JMJD7: variants seen among roughly 807,000 people sequenced by gnomAD.
The protein encoded by JMJD7 is jumonji domain containing 7.
A neutral mutation model predicts 41.1 loss-of-function variants in JMJD7; 41 were observed. The ratio of observed to expected loss-of-function variants is 1.00; its 90% CI spans 0.78 to 1.30. The LOEUF (loss-of-function observed/expected upper bound fraction) is 1.30, where lower values mean the gene tolerates loss of function less well. Among genes scored for constraint, JMJD7 ranks in the 50% most tolerant of loss-of-function variants. JMJD7 has a pLI of 0.00. For synonymous variants in JMJD7, 202 were observed against 177.2 expected (o/e 1.14, Z -1.11); for missense variants, 480 against 420.7 (o/e 1.14, Z -1.23).
At position 41,834,839 on chromosome 15, in the gene JMJD7, G is replaced by A. The variant is rs771513435; in HGVS notation, c.164G>A (p.Arg55His). The change falls in exon 2 of 8, where the codon CGC (arginine) becomes CAC (histidine). Residue 55 changes from arginine to histidine, a missense_variant. Arg to His is a conservative substitution (Grantham distance 29, BLOSUM62 0). Coordinates refer to ENST00000397299, the MANE Select transcript of JMJD7 (RefSeq NM_001114632.2). Reference sequence around the variant, plus strand: ...TGCCCCAACAGGCCGTGCATTATCCGCAACGCTCTGCAGCACTGGCCGGCC... The same window carrying A: ...TGCCCCAACAGGCCGTGCATTATCCACAACGCTCTGCAGCACTGGCCGGCC... The part of the protein sequence containing the change: ...WVCPNRPCII[R>H]NALQHWPALQ... 3.7e-6 allele frequency: 6 copies of A among 1,614,168 alleles called. No homozygotes were observed. Among genetic ancestry groups the A allele is most frequent in the East Asian group, 2.2e-5 (1 of 44,884 alleles).
At position 41,829,876 on chromosome 15, in the gene JMJD7, G is replaced by C. The variant is rs142185797; in HGVS notation, c.64+1688G>C. Among the ~76,000 whole-genome samples, 267 of 152,314 alleles carry C rather than the reference G, an allele frequency of 1.8e-3. 1 individual carries two copies. Among genetic ancestry groups the C allele is most frequent in the African/African-American group, 6.1e-3 (252 of 41,568 alleles). On this transcript the variant is annotated intron_variant, in intron 1 of 7. Transcript: ENST00000397299. Reference sequence around the variant, plus strand: ...TTGAGGCCAGGAGTTCAAGACCAGCGTGGGCAACATAGTGAGACACCATCG... The same window carrying C: ...TTGAGGCCAGGAGTTCAAGACCAGCCTGGGCAACATAGTGAGACACCATCG...
In JMJD7 at chr15:41,828,191, G is replaced by T; in HGVS notation, c.64+3G>T. 6.6e-7 allele frequency: 1 copy of T among 1,504,410 alleles called. No individual in the cohort carries two copies. The allele number at this position is 1,504,410 out of a possible 1,614,324, so 93.2% of individuals were successfully genotyped here. On this transcript the variant is annotated splice_donor_region_variant and intron_variant, in intron 1 of 7. Coordinates refer to ENST00000397299, the MANE Select transcript of JMJD7 (RefSeq NM_001114632.2). ...AGAATTCCCGGCCGCTGCAAGGGGT[G>T]AGTGGCTCTCCCACAGGCTGCGGCG... is the stretch of plus-strand genomic sequence containing the variant.
intron 1 of JMJD7, among the ~76,000 whole-genome samples, chr15:41,831,797 T>A (rs2065232522): frequency 6.6e-6 from 1 of 152,122 alleles, no homozygotes; most frequent in South Asian, 2.1e-4. Flanking sequence ...CCTCTGCTTG[T>A]CTGTGTGTAC....
intron 1 of JMJD7, chr15:41,829,189 G>C (rs2065190105): frequency 6.6e-6 from 1 of 152,260 alleles, no homozygotes; most frequent in Admixed American, 6.5e-5. Flanking sequence ...AGAAGAAGTA[G>C]GTTAGAAGGT....
intron 3 of JMJD7, 139 bp downstream of exon 3, chr15:41,835,362 C>A: frequency 2.9e-6 from 4 of 1,366,178 alleles, no homozygotes; most frequent in South Asian, 1.5e-5. Flanking sequence ...TAAATACATT[C>A]CCAGGCCTTG....
rs375939436 is a variant in JMJD7 at position 41,836,180 on chromosome 15, G to A, written c.562G>A (p.Val188Met). 6.2e-6 allele frequency: 10 copies of A among 1,611,864 alleles called. No homozygotes were observed. The highest frequency in any genetic ancestry group is 5.9e-6 in the Non-Finnish European group (7 of 1,178,856). ...GGACCACTATGAGAACCTCTACTGCGTGGTCTCAGGAGAGAAGCATTTCCT... is the reference window on the plus strand; with the variant it reads ...GGACCACTATGAGAACCTCTACTGCATGGTCTCAGGAGAGAAGCATTTCCT... The part of the protein sequence containing the change: ...HKDHYENLYC[V>M]VSGEKHFLFH... The change falls in exon 5 of 8, where the codon GTG (valine) becomes ATG (methionine). Residue 188 changes from valine (V) to methionine (M), a missense_variant. By Grantham distance (21) the Val-to-Met change is conservative (BLOSUM62 1). Transcript: ENST00000397299.
In JMJD7 at chr15:41,835,147, C is replaced by T; in HGVS notation, c.396C>T (p.Cys132=). 6.2e-7 allele frequency: 1 copy of T among 1,607,814 alleles called. No homozygotes were observed. Among genetic ancestry groups the T allele is most frequent in the Non-Finnish European group, 8.5e-7 (1 of 1,179,996 alleles). ...GAGTCCTCTATGTGCAGAAGCAGTG[C>T]TCCAACCTGCCCAGCGAGCTGCCCC... is the stretch of plus-strand genomic sequence containing the variant. ...HPGVLYVQKQ[C]SNLPSELPQL... Residue 132 remains cysteine, a synonymous_variant, in exon 3 of 8, where the codon TGC becomes TGT. Transcript: ENST00000397299.
At position 41,828,113 on chromosome 15, in the gene JMJD7, G is replaced by A. The variant is rs552884962; in HGVS notation, c.-12G>A. ...GGGGAAAGGCGGGGTCTCGGCCGGC[G>A]CTGACGCAGCCATGGCGGAGGCGGC... is the stretch of plus-strand genomic sequence containing the variant. On this transcript the variant is annotated 5_prime_UTR_variant, in exon 1 of 8. Transcript: ENST00000397299. 3.3e-5 allele frequency: 47 copies of A among 1,445,176 alleles called. No homozygotes were observed. In the East Asian group the frequency reaches 7.3e-4, roughly 22 times the overall value. The allele number at this position is 1,445,176 out of a possible 1,614,324, so 89.5% of individuals were successfully genotyped here. A position where few individuals can be genotyped will look rare whatever the true frequency, so the allele number is the denominator to read the frequency against.
chr15:41,828,459 C>CT, intron 1 of JMJD7: 2 of 368,560 alleles, frequency 5.4e-6, no homozygotes, highest in African/African-American at 2.1e-5. Flanking sequence ...GAGCAGCTTG[C>CT]TGTTACCCTT....
At chr15:41,837,041 A>G in intron 7 of JMJD7, 27 bp from the exon 8 acceptor site, 1 of 1,602,462 alleles carries the variant, frequency 6.2e-7, no homozygotes, top group Non-Finnish European at 8.6e-7. Context: ...AGGGATCTTC[A>G]TGCTCAGATC....
chr15:41,828,195 G>T lies in JMJD7; in HGVS notation c.64+7G>T, dbSNP rs1446903653. The T allele has an allele frequency of 1.3e-6, 2 of 1,504,926 alleles. No individual in the cohort carries two copies. The highest frequency in any genetic ancestry group is 1.8e-6 in the Non-Finnish European group (2 of 1,138,852). 93.2% of individuals were successfully genotyped at this position (1,504,926 alleles called of 1,614,324 possible). On this transcript the variant is annotated splice_region_variant and intron_variant, in intron 1 of 7. Transcript: ENST00000397299. ...TTCCCGGCCGCTGCAAGGGGTGAGT[G>T]GCTCTCCCACAGGCTGCGGCGATTT... is the stretch of plus-strand genomic sequence containing the variant.
Position 41,837,100 on chromosome 15 carries a change from A to G in JMJD7, c.895A>G (p.Lys299Glu), listed in dbSNP as rs370600049. Residue 299 changes from lysine (K) to glutamate (E), a missense_variant, in exon 8 of 8, where the codon AAG becomes GAG. Lys to Glu is a moderately conservative substitution (Grantham distance 56, BLOSUM62 1). Transcript: ENST00000397299. ...NFWYDMEYDL[K>E]YSYFQLLDSL... ...CTGGTATGACATGGAATACGACCTC[A>G]AGTATAGTTACTTCCAGCTGCTCGA... is the stretch of plus-strand genomic sequence containing the variant. The G allele has an allele frequency of 3.8e-5, 62 of 1,613,602 alleles. 1 individual carries two copies. The East Asian group carries it at 1.1e-3, about 28-fold the overall frequency.
chr15:41,831,295 T>C (rs766638275), intron 1 of JMJD7, among the ~76,000 whole-genome samples: 7 of 152,274 alleles, frequency 4.6e-5, no homozygotes, highest in Non-Finnish European at 7.4e-5. Context: ...CAAGCAGGCA[T>C]GCCAGCTCTT....
intron 1 of JMJD7, 145 bp from the exon 2 acceptor site, chr15:41,834,595 A>G (rs1020006156): frequency 8.3e-7 from 1 of 1,203,028 alleles, no homozygotes. Flanking sequence ...TCATCTTTCT[A>G]TTACTGGTTG....
chr15:41,829,525 A>C (rs1490200781), intron 1 of JMJD7, among the ~76,000 whole-genome samples: 1 of 152,146 alleles, frequency 6.6e-6, no homozygotes, highest in Non-Finnish European at 1.5e-5. Context: ...GATTCCTCAA[A>C]CAATCCTTCC....
rs77521398 is a variant in JMJD7, at chr15:41,834,958, C to G, written c.219-12C>G. 1,614 of 1,613,980 alleles carry G rather than the reference C, an allele frequency of 1.0e-3. 19 individuals are homozygous for G. The African/African-American group carries it at 0.02, about 20-fold the overall frequency. ...TGGCATCTGGGCATGGGCTGAGTGTCCATTCCTCTAGAGCCACAGTGGGCT... is the reference window on the plus strand; with the variant it reads ...TGGCATCTGGGCATGGGCTGAGTGTGCATTCCTCTAGAGCCACAGTGGGCT... On this transcript the variant is annotated splice_polypyrimidine_tract_variant and intron_variant, in intron 2 of 7. Transcript: ENST00000397299.
intron 4 of JMJD7, 99 bp downstream of exon 4, chr15:41,835,743 G>A (rs2065303112): frequency 1.4e-6 from 2 of 1,422,976 alleles, no homozygotes; most frequent in Non-Finnish European, 1.9e-6. Context: ...GGTGGAGGTT[G>A]GGCTGTTCTC....
chr15:41,836,465 TG>T lies in JMJD7; in HGVS notation c.626-7del. On this transcript the variant is annotated splice_polypyrimidine_tract_variant and intron_variant, in intron 5 of 7. Coordinates refer to ENST00000397299, the MANE Select transcript of JMJD7 (RefSeq NM_001114632.2). ...GCAATTCCCCCACACCCTTCTCCCT[TG>T]GGCTCCAGAGCTGTACACGCCGGCA... is the stretch of plus-strand genomic sequence containing the variant. 1 of 1,574,998 alleles carries T rather than the reference TG, an allele frequency of 6.3e-7. No homozygotes were observed. The highest frequency in any genetic ancestry group is 8.6e-7 in the Non-Finnish European group (1 of 1,159,198).
At chr15:41,832,439 C>G (rs1296120091) in intron 1 of JMJD7, 1 of 158,338 alleles carries the variant, frequency 6.3e-6, no homozygotes, top group Non-Finnish European at 1.4e-5. Flanking sequence ...GGCAACAGAG[C>G]AAGACTCTGT....
Sources: gnomAD v4.1 joint callset for allele counts (sites outside exome capture counted in the v4.1 genomes callset) on GRCh38, gnomAD v4.1.1 for gene constraint, MANE v1.5 for transcripts, NCBI Gene and HGNC (gene_info 2026-07-23, HGNC 2026-07-21) for gene names.